VSIG10: variants seen among roughly 807,000 people sequenced by gnomAD.
VSIG10 encodes V-set and immunoglobulin domain-containing protein 10.
A neutral mutation model predicts 58.7 loss-of-function variants in VSIG10; 48 were observed. The observed-to-expected ratio is 0.82, with a 90% confidence interval of 0.65 to 1.04. The LOEUF (loss-of-function observed/expected upper bound fraction) is 1.04, where lower values mean the gene tolerates loss of function less well. Among genes scored for constraint, VSIG10 ranks in the 50% least tolerant of loss-of-function variants. The pLI, the probability that VSIG10 is intolerant of heterozygous loss-of-function variation, is 0.00. For synonymous variants in VSIG10, 260 were observed against 267.1 expected, an observed-to-expected ratio of 0.97 and a Z score of 0.26; for missense variants, 628 against 670.0, an observed-to-expected ratio of 0.94 and a Z score of 0.69.
Position 118,064,423 on chromosome 12 carries a change from T to A in VSIG10, c.*2216A>T, listed in dbSNP as rs1450159147. 2 of 141,858 alleles carry A rather than the reference T, an allele frequency of 1.4e-5. No homozygotes were observed. Among genetic ancestry groups the A allele is most frequent in the African/African-American group, 2.7e-5 (1 of 36,420 alleles). The allele number at this position is 141,858 out of a possible 1,614,324, so 8.8% of individuals were successfully genotyped here. A position where few individuals can be genotyped will look rare whatever the true frequency, so the allele number is the denominator to read the frequency against. ...CAGTGATCCTACAAAACATTCTCTG[T>A]GTTCCTAGCTAGGGTTTTTTTTTTT... On this transcript the variant is annotated 3_prime_UTR_variant, in exon 9 of 9. Coordinates refer to ENST00000359236, the MANE Select transcript of VSIG10 (RefSeq NM_019086.6).
chr12:118,103,596 C>T lies in VSIG10; in HGVS notation c.76G>A (p.Val26Ile), dbSNP rs753556140. 1 of 1,521,832 alleles carries T rather than the reference C, an allele frequency of 6.6e-7. No individual in the cohort carries two copies. Among genetic ancestry groups the T allele is most frequent in the Admixed American group, 2.0e-5 (1 of 49,900 alleles). The allele number at this position is 1,521,832 out of a possible 1,614,324, so 94.3% of individuals were successfully genotyped here. A position where few individuals can be genotyped will look rare whatever the true frequency, so the allele number is the denominator to read the frequency against. Reference protein sequence around the residue: ...LGALLAGWVAVGLEAVVIGEV... With the variant: ...LGALLAGWVAIGLEAVVIGEV... Reference sequence around the variant, plus strand: ...CCTCCAGATCGCGGCCCCTTACCTACGGCGACCCAGCCGGCCAGGAGCGCC... The same window carrying T: ...CCTCCAGATCGCGGCCCCTTACCTATGGCGACCCAGCCGGCCAGGAGCGCC... Residue 26 changes from valine (V) to isoleucine (I), a missense_variant, in exon 1 of 9, where the codon GTA (valine) becomes ATA (isoleucine). By Grantham distance (29) the Val-to-Ile change is conservative (BLOSUM62 3). Coordinates refer to ENST00000359236, the MANE Select transcript of VSIG10 (RefSeq NM_019086.6).
chr12:118,064,646 G>A lies in VSIG10; in HGVS notation c.*1993C>T, dbSNP rs1466856460. The A allele has an allele frequency of 6.6e-6, 1 of 152,032 alleles. No homozygotes were observed. Among genetic ancestry groups the A allele is most frequent in the Non-Finnish European group, 1.5e-5 (1 of 68,018 alleles). The allele number at this position is 152,032 out of a possible 1,614,324, so 9.4% of individuals were successfully genotyped here. On this transcript the variant is annotated 3_prime_UTR_variant, in exon 9 of 9. Transcript: ENST00000359236. ...CTGTTGAGAATGGTTAAGTACGTGG[G>A]GTACCTTGCAGCAAAAGACAAAAAG...
chr12:118,102,954 G>A (rs938486426), intron 1 of VSIG10: 1 of 151,774 alleles, frequency 6.6e-6, no homozygotes, highest in Non-Finnish European at 1.5e-5. Context: ...TTCTTTTTTC[G>A]TAGCAAAGCA....
In VSIG10 at chr12:118,082,410, C is replaced by A; in HGVS notation, c.381G>T (p.Glu127Asp). ...GTGTGCCGGTGGCCACGATGTGGACCTCAATCTGATAGGGGCCGCCTGGGG... is the reference window on the plus strand; with the variant it reads ...GTGTGCCGGTGGCCACGATGTGGACATCAATCTGATAGGGGCCGCCTGGGG... ...LQVASGPYQI[E>D]VHIVATGTLP... Residue 127 changes from glutamate (E) to aspartate (D), a missense_variant, in exon 3 of 9, where the codon GAG (glutamate) becomes GAT (aspartate). Transcript: ENST00000359236. 1 of 1,611,202 alleles carries A rather than the reference C, an allele frequency of 6.2e-7. No individual in the cohort carries two copies. The highest frequency in any genetic ancestry group is 8.5e-7 in the Non-Finnish European group (1 of 1,177,952).
At chr12:118,095,471 G>T (rs975403819) in intron 2 of VSIG10, 62 bp downstream of exon 2, 10 of 1,590,654 alleles carry the variant, frequency 6.3e-6, no homozygotes, top group South Asian at 3.4e-5. Context: ...CCTGACCATG[G>T]TCTCCTCCTT....
chr12:118,101,371 A>T (rs1384251943), intron 1 of VSIG10, among the ~76,000 whole-genome samples: 1 of 152,176 alleles, frequency 6.6e-6, no homozygotes, highest in African/African-American at 2.4e-5. Context: ...TTATCACTTA[A>T]AGTCCCAAGC....
chr12:118,073,850 CTGGA>C lies in VSIG10; in HGVS notation c.1064_1067del (p.Ile355SerfsTer39). The C allele has an allele frequency of 1.2e-6, 2 of 1,613,766 alleles. No individual in the cohort carries two copies. The highest frequency in any genetic ancestry group is 1.7e-6 in the Non-Finnish European group (2 of 1,179,788). On this transcript the variant is annotated frameshift_variant, in exon 5 of 9. Transcript: ENST00000359236. LOFTEE classifies it high-confidence loss of function. ...GGGTAATGAGATGGCGGCTGCTAGG[CTGGA>C]TGATCACCTCGGGCTGGGTAAGGTT... is the stretch of plus-strand genomic sequence containing the variant.
intron 2 of VSIG10, among the ~76,000 whole-genome samples, chr12:118,088,242 A>G: frequency 7.8e-6 from 1 of 128,428 alleles, no homozygotes; most frequent in African/African-American, 3.7e-5. Flanking sequence ...GTGTCTCAGA[A>G]AAAAAAAAAA....
At chr12:118,090,202 G>A (rs1456761728) in intron 2 of VSIG10, among the ~76,000 whole-genome samples, 1 of 152,162 alleles carries the variant, frequency 6.6e-6, no homozygotes, top group East Asian at 1.9e-4. Context: ...CTACCCGGGA[G>A]GCTGAGGCAG....
chr12:118,083,635 C>A lies in VSIG10; in HGVS notation c.362-1206G>T, dbSNP rs137856458. On this transcript the variant is annotated intron_variant, in intron 2 of 8. Coordinates refer to ENST00000359236, the MANE Select transcript of VSIG10 (RefSeq NM_019086.6). ...GGTATCATGTGCCTATAGTCCCAGG[C>A]GCCCCCAGCAGCTGGGACTACAAGC... Among the ~76,000 whole-genome samples the A allele has an allele frequency of 3.7e-3, 562 of 152,010 alleles. 2 individuals are homozygous for A. The highest frequency in any genetic ancestry group is 4.3e-3 in the Non-Finnish European group (293 of 67,920).
chr12:118,074,125 C>G, intron 4 of VSIG10, 133 bp from the exon 5 acceptor site: 2 of 1,086,486 alleles, frequency 1.8e-6, no homozygotes, highest in East Asian at 2.7e-5. Flanking sequence ...CTCTGTTGCC[C>G]AGGCTGGAGT....
chr12:118,069,067 T>C (rs1384005259), intron 7 of VSIG10, among the ~76,000 whole-genome samples: 1 of 152,150 alleles, frequency 6.6e-6, no homozygotes, highest in Non-Finnish European at 1.5e-5. Flanking sequence ...CCAGCCAGAC[T>C]TTGCATTTCA....
rs982135479 is a variant in VSIG10, at chr12:118,100,539, C to CT, written c.79+3053dup. Among the ~76,000 whole-genome samples, 12 of 151,136 alleles carry CT rather than the reference C, an allele frequency of 7.9e-5. No homozygotes were observed. The Middle Eastern group carries it at 0.01, about 129-fold the overall frequency. On this transcript the variant is annotated intron_variant, in intron 1 of 8. Coordinates refer to ENST00000359236, the MANE Select transcript of VSIG10 (RefSeq NM_019086.6). ...AGAATTCTTTTTATTTATTTATTTA[C>CT]TTTTTTTTTGAGATGAAGTCTCGCT... is the stretch of plus-strand genomic sequence containing the variant.
intron 4 of VSIG10, among the ~76,000 whole-genome samples, chr12:118,078,959 AAAAAAAAAAT>A (rs1241628197): frequency 0.011 from 1,578 of 146,994 alleles, 92 homozygotes; most frequent in African/African-American, 0.038. Flanking sequence ...AAAAAAAAAA[AAAAAAAAAAT>A]TTTCTTTATA....
At chr12:118,082,040 A>C in intron 3 of VSIG10, 87 bp downstream of exon 3, 4 of 1,206,694 alleles carry the variant, frequency 3.3e-6, no homozygotes, top group Non-Finnish European at 3.3e-6. Context: ...AAAAAAAAAG[A>C]CAAATGGGAG....
At chr12:118,092,793 A>G in intron 2 of VSIG10, among the ~76,000 whole-genome samples, 1 of 151,146 alleles carries the variant, frequency 6.6e-6, no homozygotes, top group South Asian at 2.1e-4. Context: ...ACGCCATCAC[A>G]CCCAGCTAGT....
At chr12:118,095,395 T>C in intron 2 of VSIG10, 138 bp downstream of exon 2, 1 of 1,070,588 alleles carries the variant, frequency 9.3e-7, no homozygotes, top group Non-Finnish European at 1.3e-6. Context: ...GTGTGAGAGG[T>C]CCCTCAGCTT....
At chr12:118,075,148 ATATGTATATATATG>A (rs1566159751) in intron 4 of VSIG10, among the ~76,000 whole-genome samples, 6 of 115,672 alleles carry the variant, frequency 5.2e-5, no homozygotes, top group Admixed American at 1.9e-4. Context: ...ATATATGTGT[ATATGTATATATATG>A]TATATATATG....
At chr12:118,092,253 T>TG (rs960467003) in intron 2 of VSIG10, among the ~76,000 whole-genome samples, 1 of 152,114 alleles carries the variant, frequency 6.6e-6, no homozygotes, top group African/African-American at 2.4e-5. Context: ...TTTGTAGAGA[T>TG]GGGGTCTCAC....
Sources: gnomAD v4.1 joint callset for allele counts (sites outside exome capture counted in the v4.1 genomes callset) on GRCh38, gnomAD v4.1.1 for gene constraint, MANE v1.5 for transcripts, NCBI Gene and HGNC (gene_info 2026-07-23, HGNC 2026-07-21) for gene names.